SLC44A1: variants seen among roughly 807,000 people sequenced by gnomAD.
SLC44A1 encodes the protein solute carrier family 44 member 1, also known as choline transporter-like protein 1.
In SLC44A1, 26 loss-of-function variants were observed where a neutral mutation model predicts 79.3. That is an observed-to-expected ratio of 0.33 (90% CI 0.24 to 0.46). SLC44A1 has a LOEUF of 0.46. Ranked by LOEUF, SLC44A1 falls within the 20% of genes least tolerant of loss-of-function variation. SLC44A1 has a pLI of 1.00. For missense variants in SLC44A1, 688 were observed against 798.1 expected (o/e 0.86, Z 1.66); for synonymous variants, 263 against 286.2 (o/e 0.92, Z 0.82).
In SLC44A1 at chr9:105,333,283, A is replaced by T. The variant is rs555065649; in HGVS notation, c.270-2280A>T. Reference sequence around the variant, plus strand: ...TCCCTAAGCTTCTTTTTCTACTGTGATGTGATTTCCCCAGATGGTTCTCAA... The same window carrying T: ...TCCCTAAGCTTCTTTTTCTACTGTGTTGTGATTTCCCCAGATGGTTCTCAA... On this transcript the variant is annotated intron_variant, in intron 3 of 15. Transcript: ENST00000374720. 1.6e-4 allele frequency among the ~76,000 whole-genome samples: 25 copies of T among 151,950 alleles called. No homozygotes were observed. The South Asian group carries it at 1.7e-3, about 10-fold the overall frequency.
intron 4 of SLC44A1, among the ~76,000 whole-genome samples, chr9:105,340,512 C>G (rs1324091146): frequency 6.6e-6 from 1 of 152,146 alleles, no homozygotes; most frequent in African/African-American, 2.4e-5. Context: ...TGTACACTTA[C>G]AAATGATTAA....
At chr9:105,366,217 C>A in intron 11 of SLC44A1, 129 bp from the exon 12 acceptor site, 1 of 438,012 alleles carries the variant, frequency 2.3e-6, no homozygotes, top group Non-Finnish European at 4.1e-6. Context: ...AGAAAGTGGA[C>A]AAGTATGGAG....
intron 15 of SLC44A1, chr9:105,385,864 C>T (rs1379172212): frequency 1.9e-5 from 19 of 985,286 alleles, no homozygotes; most frequent in South Asian, 4.7e-5. Context: ...CTTGAACTGA[C>T]GGTTTGATTT....
intron 1 of SLC44A1, among the ~76,000 whole-genome samples, chr9:105,287,533 T>G (rs1830505824): frequency 6.6e-6 from 1 of 152,232 alleles, no homozygotes; most frequent in African/African-American, 2.4e-5. Context: ...TCACTTTTTT[T>G]AATGCTTCAT....
intron 15 of SLC44A1, among the ~76,000 whole-genome samples, chr9:105,408,776 CTGAA>C: frequency 6.6e-6 from 1 of 152,244 alleles, no homozygotes; most frequent in East Asian, 1.9e-4. Flanking sequence ...ATAAATGTAT[CTGAA>C]TGAACACACA....
chr9:105,391,828 G>A lies in SLC44A1; in HGVS notation c.*2772G>A, dbSNP rs376233565. On this transcript the variant is annotated 3_prime_UTR_variant, in exon 16 of 16. Transcript: ENST00000374720. ...TAATTTCATAAATCATTGATTCTAT[G>A]TGGTGGTTTTTGTCTTCTTCTGTGG... 2.5e-5 allele frequency: 25 copies of A among 985,276 alleles called. No homozygotes were observed. The East Asian group carries it at 1.5e-3, about 58-fold the overall frequency. 61.0% of individuals were successfully genotyped at this position (985,276 alleles called of 1,614,324 possible).
intron 1 of SLC44A1, among the ~76,000 whole-genome samples, chr9:105,293,060 G>A (rs1008592624): frequency 5.9e-5 from 9 of 152,164 alleles, no homozygotes; most frequent in Non-Finnish European, 1.2e-4. Context: ...AGGAGGCTAA[G>A]GCAGGAAGAT....
At chr9:105,351,627 AG>A (rs1827436469) in intron 5 of SLC44A1, among the ~76,000 whole-genome samples, 2 of 66,150 alleles carry the variant, frequency 3.0e-5, no homozygotes, top group African/African-American at 1.2e-4. Context: ...AGAAAGAGAG[AG>A]AAAGAGAAAG....
intron 5 of SLC44A1, among the ~76,000 whole-genome samples, chr9:105,355,081 A>G (rs960174024): frequency 6.6e-6 from 1 of 152,258 alleles, no homozygotes; most frequent in African/African-American, 2.4e-5. Flanking sequence ...TGTAAGAACA[A>G]TTCTGGAAAT....
intron 1 of SLC44A1, among the ~76,000 whole-genome samples, chr9:105,295,919 A>G (rs1343634557): frequency 6.6e-6 from 1 of 152,336 alleles, no homozygotes. Flanking sequence ...TTTGAGTCTA[A>G]TGTCTGATTA....
At chr9:105,344,157 A>T (rs1272959044) in intron 4 of SLC44A1, among the ~76,000 whole-genome samples, 1 of 152,148 alleles carries the variant, frequency 6.6e-6, no homozygotes, top group Non-Finnish European at 1.5e-5. Context: ...TTAATTGCAA[A>T]TTTTTAAATC....
chr9:105,245,160 G>A (rs556270906), intron 1 of SLC44A1, among the ~76,000 whole-genome samples: 214 of 151,496 alleles, frequency 1.4e-3, no homozygotes, highest in Admixed American at 2.6e-3. Flanking sequence ...CCCTTCCCCA[G>A]TCGGCCCCCT....
In SLC44A1 at chr9:105,395,730, T is replaced by C. The variant is rs1451281428; in HGVS notation, c.*6674T>C. On this transcript the variant is annotated 3_prime_UTR_variant, in exon 16 of 16. Coordinates refer to ENST00000374720, the MANE Select transcript of SLC44A1 (RefSeq NM_080546.5). ...TGTCAGCTAGGATTATAATTTGAAC[T>C]GTCGTTTCAGGAGCATGTGTTAAAT... is the stretch of plus-strand genomic sequence containing the variant. 3 of 985,074 alleles carry C rather than the reference T, an allele frequency of 3.0e-6. No homozygotes were observed. The East Asian group carries it at 3.4e-4, about 112-fold the overall frequency. 61.0% of individuals were successfully genotyped at this position (985,074 alleles called of 1,614,324 possible).
intron 1 of SLC44A1, among the ~76,000 whole-genome samples, chr9:105,285,155 A>T (rs1041737452): frequency 6.6e-6 from 1 of 152,212 alleles, no homozygotes; most frequent in Non-Finnish European, 1.5e-5. Flanking sequence ...TTAATCACTC[A>T]TCAGTTGATG....
intron 2 of SLC44A1, among the ~76,000 whole-genome samples, chr9:105,307,643 T>TA (rs35472593): frequency 0.057 from 7,942 of 139,138 alleles, 702 homozygotes; most frequent in African/African-American, 0.19. Flanking sequence ...GACTCCATCT[T>TA]AAAAAAAAAA....
chr9:105,287,821 G>A (rs1263773589), intron 1 of SLC44A1, among the ~76,000 whole-genome samples: 2 of 151,934 alleles, frequency 1.3e-5, no homozygotes, highest in Non-Finnish European at 2.9e-5. Context: ...CTCCTACCTG[G>A]GTCATTCTCA....
chr9:105,288,337 TG>T (rs781659313), intron 1 of SLC44A1, among the ~76,000 whole-genome samples: 5 of 152,264 alleles, frequency 3.3e-5, no homozygotes, highest in African/African-American at 9.6e-5. Context: ...GCTATTTTAA[TG>T]TTTTTTTTGT....
At chr9:105,284,940 C>G (rs1447415157) in intron 1 of SLC44A1, among the ~76,000 whole-genome samples, 1 of 152,202 alleles carries the variant, frequency 6.6e-6, no homozygotes, top group Non-Finnish European at 1.5e-5. Flanking sequence ...CCCATTTCCT[C>G]TCAACTCCCA....
chr9:105,304,608 C>T (rs1830968487), intron 2 of SLC44A1, among the ~76,000 whole-genome samples: 1 of 152,120 alleles, frequency 6.6e-6, no homozygotes, highest in African/African-American at 2.4e-5. Context: ...TGTCTGCTTT[C>T]CCTTAGAATC....
Sources: allele counts gnomAD v4.1 joint callset (sites outside exome capture counted in the v4.1 genomes callset), GRCh38; gene constraint gnomAD v4.1.1; transcripts MANE v1.5; gene names NCBI Gene and HGNC (gene_info 2026-07-23, HGNC 2026-07-21).